ALK: variants seen among roughly 807,000 people sequenced by gnomAD.
The protein encoded by ALK is ALK tyrosine kinase receptor.
Under a neutral mutation model 163.1 loss-of-function variants are expected in ALK, and 74 were observed. That is an observed-to-expected ratio of 0.45 (90% CI 0.38 to 0.55). The LOEUF is 0.55. Among genes scored for constraint, ALK ranks in the 20% least tolerant of loss-of-function variants. The pLI, the probability that ALK is intolerant of heterozygous loss-of-function variation, is 0.00. For missense variants in ALK, 2,063 were observed against 2,105.3 expected (o/e 0.98, Z 0.39); for synonymous variants, 960 against 843.2 (o/e 1.14, Z -2.40).
intron 3 of ALK, among the ~76,000 whole-genome samples, chr2:29,611,201 A>G (rs564848020): frequency 1.3e-5 from 2 of 152,282 alleles, no homozygotes; most frequent in East Asian, 3.9e-4. Flanking sequence ...CACAGACAGC[A>G]TCTTGGCCAG....
intron 1 of ALK, among the ~76,000 whole-genome samples, chr2:29,908,812 G>A (rs1174524540): frequency 1.3e-5 from 2 of 152,172 alleles, no homozygotes; most frequent in African/African-American, 4.8e-5. Flanking sequence ...TGCACCATTT[G>A]TTTAGCATTC....
chr2:29,430,112 G>A (rs1314998770), intron 4 of ALK, among the ~76,000 whole-genome samples: 1 of 152,048 alleles, frequency 6.6e-6, no homozygotes, highest in South Asian at 2.1e-4. Context: ...GGAAATATAG[G>A]AGTGAATCTT....
intron 11 of ALK, among the ~76,000 whole-genome samples, chr2:29,270,172 T>C (rs1157924320): frequency 2.6e-5 from 4 of 152,262 alleles, no homozygotes; most frequent in Non-Finnish European, 5.9e-5. Context: ...ACCTATTCAA[T>C]AATGGGATTC....
intron 5 of ALK, among the ~76,000 whole-genome samples, chr2:29,338,084 T>C (rs1667679016): frequency 6.6e-6 from 1 of 151,944 alleles, no homozygotes; most frequent in Non-Finnish European, 1.5e-5. Context: ...GGACCAGCTA[T>C]GGAGGGTGGA....
chr2:29,266,875 T>C (rs1486918958), intron 11 of ALK, among the ~76,000 whole-genome samples: 1 of 152,210 alleles, frequency 6.6e-6, no homozygotes, highest in Admixed American at 6.5e-5. Flanking sequence ...CTGGTGAATG[T>C]TCGTCTCCAG....
At chr2:29,209,958 C>G (rs2148155606) in intron 24 of ALK, 80 bp from the exon 25 acceptor site, 1 of 1,144,526 alleles carries the variant, frequency 8.7e-7, no homozygotes, top group Non-Finnish European at 1.3e-6. Flanking sequence ...GATTTTATCT[C>G]CAAGCTGAAG....
intron 1 of ALK, among the ~76,000 whole-genome samples, chr2:29,785,697 T>C (rs1663991037): frequency 6.6e-6 from 1 of 152,084 alleles, no homozygotes; most frequent in South Asian, 2.1e-4. Flanking sequence ...GGGTTGAAAA[T>C]GAATCCTGCA....
intron 1 of ALK, among the ~76,000 whole-genome samples, chr2:29,726,604 T>A (rs1275974275): frequency 1.3e-5 from 2 of 152,204 alleles, no homozygotes; most frequent in African/African-American, 4.8e-5. Context: ...TCTCTTGACC[T>A]GATGTTTCAA....
chr2:29,259,452 C>T (rs11127209), intron 11 of ALK, among the ~76,000 whole-genome samples: 93,035 of 151,944 alleles, frequency 0.61, 30,021 homozygotes, highest in East Asian at 0.79. Flanking sequence ...TAGTCATTTT[C>T]GTTGTCCGAA....
At chr2:29,747,150 C>T (rs1420055851) in intron 1 of ALK, among the ~76,000 whole-genome samples, 2 of 151,946 alleles carry the variant, frequency 1.3e-5, no homozygotes, top group Non-Finnish European at 2.9e-5. Flanking sequence ...AAGCCCTCCT[C>T]AATTAAAACT....
chr2:29,843,221 C>T (rs371437727), intron 1 of ALK, among the ~76,000 whole-genome samples: 1 of 152,114 alleles, frequency 6.6e-6, no homozygotes, highest in Non-Finnish European at 1.5e-5. Context: ...CGGTGCCCCA[C>T]TACCATGCAG....
At chr2:29,570,709 C>G (rs1318073443) in intron 3 of ALK, among the ~76,000 whole-genome samples, 1 of 152,212 alleles carries the variant, frequency 6.6e-6, no homozygotes, top group Non-Finnish European at 1.5e-5. Context: ...GTTTCGCTCT[C>G]TCGACAGTAA....
At chr2:29,864,517 C>T (rs939387419) in intron 1 of ALK, among the ~76,000 whole-genome samples, 3 of 152,198 alleles carry the variant, frequency 2.0e-5, no homozygotes, top group Non-Finnish European at 2.9e-5. Context: ...AATGCATGTT[C>T]CATGATACCA....
intron 1 of ALK, among the ~76,000 whole-genome samples, chr2:29,828,498 C>T (rs62131018): frequency 0.45 from 68,141 of 150,554 alleles, 15,767 homozygotes; most frequent in East Asian, 0.75. Context: ...AAAAAGTGGG[C>T]GAAGGATATG....
At chr2:29,554,539 G>A (rs982259912) in intron 3 of ALK, among the ~76,000 whole-genome samples, 2 of 152,218 alleles carry the variant, frequency 1.3e-5, no homozygotes, top group East Asian at 3.8e-4. Context: ...TCAGGAAACA[G>A]TAACCACTTG....
chr2:29,836,553 A>G (rs916171156), intron 1 of ALK, among the ~76,000 whole-genome samples: 1 of 152,192 alleles, frequency 6.6e-6, no homozygotes, highest in African/African-American at 2.4e-5. Context: ...GCCCCATCCA[A>G]CTAGAAGAGA....
intron 5 of ALK, among the ~76,000 whole-genome samples, chr2:29,339,232 G>C (rs1329799713): frequency 6.9e-6 from 1 of 145,900 alleles, no homozygotes; most frequent in Non-Finnish European, 1.5e-5. Flanking sequence ...GACAGGGCGA[G>C]ACTCTATCTC....
At chr2:29,686,260 A>T (rs866346721) in intron 3 of ALK, among the ~76,000 whole-genome samples, 3 of 152,188 alleles carry the variant, frequency 2.0e-5, no homozygotes, top group Non-Finnish European at 2.9e-5. Context: ...GTGATGGGCC[A>T]GGAGTTCCTC....
At chr2:29,214,753 A>C (rs1669555916) in intron 23 of ALK, among the ~76,000 whole-genome samples, 1 of 152,178 alleles carries the variant, frequency 6.6e-6, no homozygotes, top group Non-Finnish European at 1.5e-5. Context: ...CCTTTCCAGA[A>C]GGCGACATCC....
Sources: allele counts gnomAD v4.1 joint callset (sites outside exome capture counted in the v4.1 genomes callset), GRCh38; gene constraint gnomAD v4.1.1; transcripts MANE v1.5; gene names NCBI Gene and HGNC (gene_info 2026-07-23, HGNC 2026-07-21).